The following EPB41L3 variants were observed in gnomAD, a reference collection of about 807,000 sequenced individuals.
EPB41L3 encodes the protein band 4.1-like protein 3.
In EPB41L3, 57 loss-of-function variants were observed where a neutral mutation model predicts 127.1. The ratio of observed to expected loss-of-function variants is 0.45; its 90% CI spans 0.36 to 0.56. The LOEUF (loss-of-function observed/expected upper bound fraction) is 0.56, where lower values mean the gene tolerates loss of function less well. Ranked by LOEUF, EPB41L3 falls within the 20% of genes least tolerant of loss-of-function variation. The pLI is 0.00. For synonymous variants in EPB41L3, 572 were observed against 549.5 expected (o/e 1.04, Z -0.57); for missense variants, 1,273 against 1,372.2 (o/e 0.93, Z 1.14).
At chr18:5,604,251 A>G (rs1402235196) in intron 3 of EPB41L3, among the ~76,000 whole-genome samples, 1 of 140,562 alleles carries the variant, frequency 7.1e-6, no homozygotes, top group East Asian at 2.1e-4. Flanking sequence ...TATTTGACTT[A>G]CTCTTTTTTT....
intron 3 of EPB41L3, among the ~76,000 whole-genome samples, chr18:5,472,286 C>T (rs770041078): frequency 6.6e-6 from 1 of 151,944 alleles, no homozygotes. Flanking sequence ...TGTAACTGTT[C>T]CTATGGTTGC....
intron 22 of EPB41L3, chr18:5,394,275 T>TA (rs2072941627): frequency 6.2e-6 from 1 of 161,470 alleles, no homozygotes; most frequent in Non-Finnish European, 1.4e-5. Flanking sequence ...ATTATTTCCC[T>TA]AGTATTTGGA....
At chr18:5,536,445 G>A (rs982983419) in intron 1 of EPB41L3, among the ~76,000 whole-genome samples, 6 of 151,012 alleles carry the variant, frequency 4.0e-5, no homozygotes, top group African/African-American at 1.5e-4. Context: ...TAAAAATAAT[G>A]ATGTGGGTAT....
intron 16 of EPB41L3, among the ~76,000 whole-genome samples, chr18:5,405,819 TC>T (rs1450533403): frequency 7.2e-4 from 13 of 18,024 alleles, no homozygotes; most frequent in African/African-American, 1.0e-3. Flanking sequence ...AAACTATGTC[TC>T]AAAAAAAAAA....
chr18:5,604,875 G>A (rs2094632444), intron 3 of EPB41L3, among the ~76,000 whole-genome samples: 3 of 152,152 alleles, frequency 2.0e-5, no homozygotes, highest in African/African-American at 7.2e-5. Flanking sequence ...TCACAAAAAA[G>A]TTACGCCCAT....
rs566909376 is a variant in EPB41L3 at position 5,392,896 on chromosome 18, C to T, written c.*589G>A. The T allele has an allele frequency of 1.3e-5, 2 of 152,636 alleles. No individual in the cohort carries two copies. The highest frequency in any genetic ancestry group is 4.8e-5 in the African/African-American group (2 of 41,530). 9.5% of individuals were successfully genotyped at this position (152,636 alleles called of 1,614,324 possible). ...CAAGATTGGAAGCATTACATATTTC[C>T]AGAGGGTCAGAGAGTCATTACTGTT... On this transcript the variant is annotated 3_prime_UTR_variant, in exon 23 of 23. Coordinates refer to ENST00000341928, the MANE Select transcript of EPB41L3 (RefSeq NM_012307.5).
chr18:5,627,534 C>G (rs1400002674), intron 1 of EPB41L3, among the ~76,000 whole-genome samples: 1 of 152,212 alleles, frequency 6.6e-6, no homozygotes, highest in Non-Finnish European at 1.5e-5. Flanking sequence ...AAACACAACT[C>G]ATGAGGACCA....
intron 3 of EPB41L3, among the ~76,000 whole-genome samples, chr18:5,601,260 G>A (rs2094587927): frequency 6.6e-6 from 1 of 152,108 alleles, no homozygotes; most frequent in East Asian, 1.9e-4. Flanking sequence ...TAGAGAAGGA[G>A]ATAAGGCTTC....
At chr18:5,496,905 T>C (rs1298566404) in intron 1 of EPB41L3, among the ~76,000 whole-genome samples, 1 of 152,190 alleles carries the variant, frequency 6.6e-6, no homozygotes, top group Non-Finnish European at 1.5e-5. Context: ...TACATTCTAA[T>C]TGGAGGAGGA....
Position 5,428,328 on chromosome 18 carries a change from C to A in EPB41L3, c.1050G>T (p.Lys350Asn). 1 of 1,614,188 alleles carries A rather than the reference C, an allele frequency of 6.2e-7. No homozygotes were observed. Among genetic ancestry groups the A allele is most frequent in the Non-Finnish European group, 8.5e-7 (1 of 1,180,034 alleles). Residue 350 changes from lysine to asparagine, a missense_variant, in exon 9 of 23, where the codon AAG becomes AAT. Coordinates refer to ENST00000341928, the MANE Select transcript of EPB41L3 (RefSeq NM_012307.5). ...GTATACTTACCTCTCCCGGCCGGAT[C>A]TTAATGTAAAAGTTGTTCCGTTTGT... Reference protein sequence around the residue: ...ISYKRNNFYIKIRPGEFEQFE... With the variant: ...ISYKRNNFYINIRPGEFEQFE...
chr18:5,454,042 T>C (rs527872030), intron 3 of EPB41L3, among the ~76,000 whole-genome samples: 4 of 152,266 alleles, frequency 2.6e-5, no homozygotes, highest in African/African-American at 9.6e-5. Context: ...CTCTAAAGAG[T>C]TCGGCAAACT....
chr18:5,601,055 G>A (rs1024169626), intron 3 of EPB41L3, among the ~76,000 whole-genome samples: 2 of 152,050 alleles, frequency 1.3e-5, no homozygotes, highest in Non-Finnish European at 2.9e-5. Flanking sequence ...CTAACAAATG[G>A]CAAAATATCC....
intron 18 of EPB41L3, 119 bp downstream of exon 18, chr18:5,396,939 C>T (rs2073620767): frequency 1.9e-6 from 2 of 1,068,988 alleles, no homozygotes; most frequent in South Asian, 1.6e-5. Context: ...AGGAGAAATA[C>T]ACTATACATG....
chr18:5,601,098 A>C (rs147719690), intron 3 of EPB41L3, among the ~76,000 whole-genome samples: 2 of 152,268 alleles, frequency 1.3e-5, no homozygotes, highest in East Asian at 3.9e-4. Flanking sequence ...TTTGCTTTCC[A>C]TGATTCAGAT....
intron 3 of EPB41L3, among the ~76,000 whole-genome samples, chr18:5,566,723 CATTCTATTCT>C (rs57567803): frequency 0.064 from 7,204 of 112,328 alleles, 272 homozygotes; most frequent in Middle Eastern, 0.078. Context: ...TTTTCTATTC[CATTCTATTCT>C]ATTCTATTCT....
chr18:5,533,114 G>A (rs779088262), intron 1 of EPB41L3, among the ~76,000 whole-genome samples: 2 of 151,962 alleles, frequency 1.3e-5, no homozygotes, highest in Non-Finnish European at 2.9e-5. Context: ...CTCCAAAATC[G>A]CAATTTTTGA....
chr18:5,409,886 A>G (rs2144261723), intron 14 of EPB41L3, among the ~76,000 whole-genome samples: 1 of 152,280 alleles, frequency 6.6e-6, no homozygotes, highest in South Asian at 2.1e-4. Flanking sequence ...GAAAAACAAT[A>G]TAAGCCACAC....
At chr18:5,629,511 G>T (rs1183784785), upstream of EPB41L3, among the ~76,000 whole-genome samples, 1 of 152,084 alleles carries the variant, frequency 6.6e-6, no homozygotes, top group Non-Finnish European at 1.5e-5. Context: ...CTGTCCACTT[G>T]AAAGCAGGAA....
Position 5,478,424 on chromosome 18 carries a change from T to C in EPB41L3, c.198A>G (p.Glu66=), listed in dbSNP as rs570957939. The change falls in exon 3 of 23, where the codon GAA becomes GAG. Residue 66 remains glutamate, a synonymous_variant. Coordinates refer to ENST00000341928, the MANE Select transcript of EPB41L3 (RefSeq NM_012307.5). Reference sequence around the variant, plus strand: ...TTGCAGCCCTGGCAGCAAACTCCTGTTCCTTGTCAGTGACCTGTGAAGAGC... The same window carrying C: ...TTGCAGCCCTGGCAGCAAACTCCTGCTCCTTGTCAGTGACCTGTGAAGAGC... The part of the protein sequence containing the change: ...TPVRREVTDK[E]QEFAARAAKQ... The C allele has an allele frequency of 3.7e-6, 6 of 1,614,154 alleles. No individual in the cohort carries two copies. The highest frequency in any genetic ancestry group is 1.3e-5 in the African/African-American group (1 of 75,062).
Sources: gnomAD v4.1 joint callset for allele counts (sites outside exome capture counted in the v4.1 genomes callset) on GRCh38, gnomAD v4.1.1 for gene constraint, MANE v1.5 for transcripts, NCBI Gene and HGNC (gene_info 2026-07-23, HGNC 2026-07-21) for gene names.